The following EDA variants were observed in gnomAD, a reference collection of about 807,000 sequenced individuals.
The protein encoded by EDA is ectodysplasin-A.
Under a neutral mutation model 23.6 loss-of-function variants are expected in EDA, and 2 were observed. The ratio of observed to expected loss-of-function variants is 0.08; its 90% CI spans 0.03 to 0.27. The LOEUF (loss-of-function observed/expected upper bound fraction) is 0.27, where lower values mean the gene tolerates loss of function less well. Among genes scored for constraint, EDA ranks in the 10% least tolerant of loss-of-function variants. The pLI is 1.00. For missense variants in EDA, 229 were observed against 324.2 expected, an observed-to-expected ratio of 0.71 and a Z score of 2.26; for synonymous variants, 131 against 132.0, an observed-to-expected ratio of 0.99 and a Z score of 0.05.
intron 2 of EDA, among the ~76,000 whole-genome samples, chrX:69,973,851 C>T: frequency 9.0e-6 from 1 of 111,038 alleles, no homozygotes; most frequent in Non-Finnish European, 1.9e-5. Context: ...AGTAAATCCC[C>T]TATGTTGAAT....
intron 1 of EDA, among the ~76,000 whole-genome samples, chrX:69,642,592 G>T (rs895074987): frequency 3.6e-5 from 4 of 111,107 alleles, no homozygotes; most frequent in African/African-American, 1.3e-4. Flanking sequence ...AGAGTAGAAA[G>T]CTTTGAATTA....
intron 1 of EDA, among the ~76,000 whole-genome samples, chrX:69,762,128 C>G (rs2014327171): frequency 9.0e-6 from 1 of 111,298 alleles, no homozygotes; most frequent in Non-Finnish European, 1.9e-5. Context: ...TTGGCCAATA[C>G]TTTTTAAAAA....
At chrX:69,827,990 G>T (rs975582536) in intron 1 of EDA, among the ~76,000 whole-genome samples, 44 of 110,830 alleles carry the variant, frequency 4.0e-4, no homozygotes, top group African/African-American at 1.3e-3. Flanking sequence ...CTGCTGGGGG[G>T]TGCCTCCCAG....
intron 1 of EDA, among the ~76,000 whole-genome samples, chrX:69,822,949 T>A (rs1201519603): frequency 3.1e-5 from 3 of 97,782 alleles, no homozygotes; most frequent in African/African-American, 1.2e-4. Flanking sequence ...ATGCGGTGTT[T>A]TGTTTTTTGT....
chrX:69,920,563 G>A (rs1293339092), intron 1 of EDA, among the ~76,000 whole-genome samples: 1 of 111,122 alleles, frequency 9.0e-6, no homozygotes, highest in Non-Finnish European at 1.9e-5. Flanking sequence ...GTTGGGATTT[G>A]TCTAATGTTT....
chrX:69,717,688 T>G (rs1257378690), intron 1 of EDA, among the ~76,000 whole-genome samples: 8 of 109,016 alleles, frequency 7.3e-5, no homozygotes, highest in Non-Finnish European at 1.5e-4. Flanking sequence ...CCTGGCTAAT[T>G]TTTTGTATTT....
At chrX:69,938,479 G>C (rs898378873) in intron 1 of EDA, among the ~76,000 whole-genome samples, 1 of 111,506 alleles carries the variant, frequency 9.0e-6, no homozygotes, top group African/African-American at 3.3e-5. Context: ...CCTATGAAGT[G>C]GTTTGAGCTC....
At chrX:69,909,880 C>A (rs954841075) in intron 1 of EDA, among the ~76,000 whole-genome samples, 9 of 111,683 alleles carry the variant, frequency 8.1e-5, no homozygotes, top group African/African-American at 2.6e-4. Context: ...ATGGATTTAT[C>A]TCTTGTCTAT....
intron 1 of EDA, among the ~76,000 whole-genome samples, chrX:69,733,505 C>T (rs2013123962): frequency 9.0e-6 from 1 of 111,187 alleles, no homozygotes; most frequent in African/African-American, 3.3e-5. Context: ...GTTACTGTGG[C>T]CTTGTAGTAT....
chrX:69,837,514 T>TA (rs1209887508), intron 1 of EDA, among the ~76,000 whole-genome samples: 1 of 112,533 alleles, frequency 8.9e-6, no homozygotes, highest in Non-Finnish European at 1.9e-5. Flanking sequence ...CAGTTTTCTA[T>TA]AATTGTTGCA....
At chrX:69,922,884 G>T (rs1348344601) in intron 1 of EDA, among the ~76,000 whole-genome samples, 2 of 111,059 alleles carry the variant, frequency 1.8e-5, no homozygotes, top group East Asian at 5.7e-4. Flanking sequence ...ATGCCTATAA[G>T]ATTATTGTTT....
intron 2 of EDA, among the ~76,000 whole-genome samples, chrX:69,974,162 G>A (rs2147442636): frequency 9.1e-6 from 1 of 110,388 alleles, no homozygotes; most frequent in South Asian, 3.8e-4. Context: ...AAATTGTAGG[G>A]AGATGAGAGT....
intron 1 of EDA, among the ~76,000 whole-genome samples, chrX:69,710,729 A>C (rs2011972621): frequency 9.0e-6 from 1 of 111,556 alleles, no homozygotes; most frequent in Non-Finnish European, 1.9e-5. Flanking sequence ...TTGGATTCCT[A>C]GGCATTTTAT....
At chrX:69,645,066 T>G (rs755960632) in intron 1 of EDA, among the ~76,000 whole-genome samples, 1 of 111,375 alleles carries the variant, frequency 9.0e-6, no homozygotes, top group Admixed American at 9.5e-5. Context: ...TTTTCTTTTT[T>G]TTGTTGTATC....
chrX:69,843,340 T>C (rs2016933703), intron 1 of EDA, among the ~76,000 whole-genome samples: 1 of 112,147 alleles, frequency 8.9e-6, no homozygotes, highest in Non-Finnish European at 1.9e-5. Flanking sequence ...ATCTGTCATC[T>C]CATTGTTACT....
intron 1 of EDA, among the ~76,000 whole-genome samples, chrX:69,785,371 A>C (rs1337507622): frequency 1.2e-5 from 1 of 84,678 alleles, no homozygotes; most frequent in East Asian, 3.0e-4. Context: ...GTCTTGTGCC[A>C]GTTTTCAAAG....
intron 1 of EDA, among the ~76,000 whole-genome samples, chrX:69,733,791 G>A (rs944805306): frequency 1.1e-4 from 12 of 111,231 alleles, no homozygotes; most frequent in Non-Finnish European, 2.3e-4. Flanking sequence ...GCAGTGGTTT[G>A]TCGTTCTCCT....
Position 70,023,249 on chromosome X carries a change from C to A in EDA, c.526+8C>A. 3.6e-6 allele frequency: 4 copies of A among 1,110,606 alleles called. No homozygotes were observed. The highest frequency in any genetic ancestry group is 4.9e-6 in the Non-Finnish European group (4 of 810,534). The allele number at this position is 1,110,606 out of a possible 1,213,427, so 91.5% of individuals were successfully genotyped here. ...TTAAAAACAAGAAAAAGGGTAAGTT[C>A]CTGACTTTATAAAATTGCTGTCTTG... On this transcript the variant is annotated splice_region_variant and intron_variant, in intron 3 of 7. Coordinates refer to ENST00000374552, the MANE Select transcript of EDA (RefSeq NM_001399.5).
chrX:69,620,344 T>C, intron 1 of EDA: 1 of 113,822 alleles, frequency 8.8e-6, no homozygotes, highest in Non-Finnish European at 1.9e-5. Flanking sequence ...TTGGAGTATG[T>C]TCCTAATTAT....
Sources: allele counts gnomAD v4.1 joint callset (sites outside exome capture counted in the v4.1 genomes callset), GRCh38; gene constraint gnomAD v4.1.1; transcripts MANE v1.5; gene names NCBI Gene and HGNC (gene_info 2026-07-23, HGNC 2026-07-21).